PTPN13: variants seen among roughly 807,000 people sequenced by gnomAD.
PTPN13 encodes protein tyrosine phosphatase non-receptor type 13.
In PTPN13, 191 loss-of-function variants were observed where a neutral mutation model predicts 284.0. The ratio of observed to expected loss-of-function variants is 0.67; its 90% CI spans 0.60 to 0.76. The LOEUF (loss-of-function observed/expected upper bound fraction) is 0.76. Ranked by LOEUF, PTPN13 falls within the 30% of genes least tolerant of loss-of-function variation. The probability of loss-of-function intolerance (pLI) is 0.00; values close to 1 mark genes in which losing one functional copy is unlikely to be tolerated. For synonymous variants in PTPN13, 986 were observed against 1,022.3 expected (o/e 0.96, Z 0.68); for missense variants, 2,797 against 2,939.9 (o/e 0.95, Z 1.12).
intron 2 of PTPN13, among the ~76,000 whole-genome samples, chr4:86,667,040 C>A (rs1210481624): frequency 6.6e-6 from 1 of 152,184 alleles, no homozygotes; most frequent in Non-Finnish European, 1.5e-5. Context: ...GATTTTGGTA[C>A]TGCTTTTCAT....
intron 3 of PTPN13, among the ~76,000 whole-genome samples, chr4:86,682,578 C>T (rs1026884572): frequency 6.6e-6 from 1 of 152,052 alleles, no homozygotes; most frequent in Non-Finnish European, 1.5e-5. Context: ...AAATACTTGC[C>T]TGTTTTTGAA....
intron 3 of PTPN13, among the ~76,000 whole-genome samples, chr4:86,677,349 T>A (rs1337268515): frequency 6.8e-6 from 1 of 147,644 alleles, no homozygotes; most frequent in African/African-American, 2.5e-5. Context: ...GGAGTCTAGC[T>A]CTGTCACCAG....
chr4:86,809,867 C>T lies in PTPN13; in HGVS notation c.7182C>T (p.Tyr2394=), dbSNP rs375687732. ...QPDDLLTFIS[Y]MRHIHRSGPI... is the part of the protein sequence containing the mutation. ...ATGATCTGCTTACTTTTATCTCCTA[C>T]ATGAGACACATCCACAGATCAGGCC... Residue 2394 remains tyrosine (Y), a synonymous_variant, in exon 46 of 48, where the codon TAC becomes TAT. Transcript: ENST00000411767. 3 of 1,613,890 alleles carry T rather than the reference C, an allele frequency of 1.9e-6. No individual in the cohort carries two copies. Among genetic ancestry groups the T allele is most frequent in the African/African-American group, 2.7e-5 (2 of 74,918 alleles).
rs1223349978 is a variant in PTPN13 at position 86,762,830 on chromosome 4, C to CTG, written c.3658_3659dup (p.Trp1220CysfsTer7). ...TAGATTCTTCTTCCAAGGATCACCA[C>CTG]TGGTCACGTGGTACCCTGAGGCACA... On this transcript the variant is annotated frameshift_variant, in exon 24 of 48. Transcript: ENST00000411767. LOFTEE classifies it high-confidence loss of function. The CTG allele has an allele frequency of 6.2e-7, 1 of 1,613,954 alleles. No individual in the cohort carries two copies.
chr4:86,629,978 G>A (rs897318768), intron 1 of PTPN13, among the ~76,000 whole-genome samples: 1 of 152,014 alleles, frequency 6.6e-6, no homozygotes, highest in Non-Finnish European at 1.5e-5. Context: ...TATTGCCCAG[G>A]CAGTCTTGAA....
intron 2 of PTPN13, among the ~76,000 whole-genome samples, chr4:86,658,492 A>G (rs1384592828): frequency 1.3e-5 from 2 of 152,156 alleles, no homozygotes; most frequent in Non-Finnish European, 2.9e-5. Flanking sequence ...ATGGGGGATT[A>G]TTGCTCAGGG....
chr4:86,660,646 T>A (rs1315689747), intron 2 of PTPN13, among the ~76,000 whole-genome samples: 1 of 152,176 alleles, frequency 6.6e-6, no homozygotes, highest in African/African-American at 2.4e-5. Context: ...AAGTTAAATG[T>A]GTTTGAACTG....
At chr4:86,730,454 G>T (rs773599181) in intron 10 of PTPN13, among the ~76,000 whole-genome samples, 7 of 149,714 alleles carry the variant, frequency 4.7e-5, no homozygotes, top group Non-Finnish European at 7.5e-5. Context: ...AGCTGCGGTG[G>T]GCTCCACCCA....
intron 23 of PTPN13, among the ~76,000 whole-genome samples, 164 bp downstream of exon 23, chr4:86,759,237 TAG>T (rs1467298418): frequency 1.3e-5 from 2 of 152,212 alleles, no homozygotes; most frequent in African/African-American, 2.4e-5. Flanking sequence ...AAATCAGAGA[TAG>T]AGTCATTTAT....
chr4:86,769,997 A>C lies in PTPN13; in HGVS notation c.4704+14A>C. 2 of 1,613,492 alleles carry C rather than the reference A, an allele frequency of 1.2e-6. No homozygotes were observed. The highest frequency in any genetic ancestry group is 1.7e-6 in the Non-Finnish European group (2 of 1,179,508). On this transcript the variant is annotated intron_variant, in intron 29 of 47. Transcript: ENST00000411767. ...CTATCTCAGCAGGTGAGCCCCTAGC[A>C]TGTGGAGTATAGCATTTTTAATGAT...
At chr4:86,732,799 T>C (rs904096089) in intron 12 of PTPN13, 33 bp downstream of exon 12, 4 of 1,560,418 alleles carry the variant, frequency 2.6e-6, no homozygotes, top group South Asian at 2.4e-5. Flanking sequence ...GAGTACAGTA[T>C]AGAAATTTAG....
chr4:86,624,856 G>A (rs953651843), intron 1 of PTPN13, among the ~76,000 whole-genome samples: 1 of 152,142 alleles, frequency 6.6e-6, no homozygotes, highest in African/African-American at 2.4e-5. Context: ...ATCCAAAAAT[G>A]CAATGGTTCT....
At chr4:86,687,289 C>T (rs573318792) in intron 4 of PTPN13, among the ~76,000 whole-genome samples, 2 of 152,164 alleles carry the variant, frequency 1.3e-5, no homozygotes, top group Non-Finnish European at 2.9e-5. Flanking sequence ...ACAGCAGACA[C>T]AGGTATTAAA....
chr4:86,655,177 G>T (rs868489089), intron 2 of PTPN13, among the ~76,000 whole-genome samples: 1 of 151,976 alleles, frequency 6.6e-6, no homozygotes, highest in African/African-American at 2.4e-5. Context: ...CACACTGATG[G>T]GTCTTGATTC....
rs752409184 is a variant in PTPN13 at position 86,799,199 on chromosome 4, A to T, written c.6500A>T (p.Asp2167Val). 3 of 1,530,728 alleles carry T rather than the reference A, an allele frequency of 2.0e-6. No homozygotes were observed. The African/African-American group carries it at 4.2e-5, about 21-fold the overall frequency. The allele number at this position is 1,530,728 out of a possible 1,614,324, so 94.8% of individuals were successfully genotyped here. Residue 2167 changes from aspartate (D) to valine (V), a missense_variant, in exon 42 of 48, where the codon GAT becomes GTT. Coordinates refer to ENST00000411767, the MANE Select transcript of PTPN13 (RefSeq NM_080683.3). ...GAGAGAACAAACCATGAAGATTCTG[A>T]TAAAGGCAAGAATTTTAATGACAGT... ...PIERTNHEDS[D>V]KDHSFLTNDE...
chr4:86,678,525 T>G (rs906550775), intron 3 of PTPN13, among the ~76,000 whole-genome samples: 2 of 152,258 alleles, frequency 1.3e-5, no homozygotes, highest in Non-Finnish European at 2.9e-5. Context: ...TCTAGCACCA[T>G]GCTCTTGACT....
At chr4:86,611,101 T>A (rs1477450386) in intron 1 of PTPN13, among the ~76,000 whole-genome samples, 1 of 152,200 alleles carries the variant, frequency 6.6e-6, no homozygotes, top group Non-Finnish European at 1.5e-5. Flanking sequence ...TCCTTTTTCC[T>A]ACTTTCACAT....
intron 27 of PTPN13, 101 bp from the exon 28 acceptor site, chr4:86,767,716 A>T: frequency 1.1e-6 from 1 of 919,326 alleles, no homozygotes; most frequent in Non-Finnish European, 1.5e-6. Flanking sequence ...TTTGGTAGTT[A>T]CTTTAAATGA....
chr4:86,664,829 T>C (rs1194046650), intron 2 of PTPN13, among the ~76,000 whole-genome samples: 1 of 152,190 alleles, frequency 6.6e-6, no homozygotes, highest in Non-Finnish European at 1.5e-5. Context: ...AAGGAACTGC[T>C]ACTATTTCTT....
Sources: allele counts gnomAD v4.1 joint callset (sites outside exome capture counted in the v4.1 genomes callset), GRCh38; gene constraint gnomAD v4.1.1; transcripts MANE v1.5; gene names NCBI Gene and HGNC (gene_info 2026-07-23, HGNC 2026-07-21).